Variants in RUNX3 observed in about 807,000 individuals in gnomAD.
RUNX3 encodes runt-related transcription factor 3.
Under a neutral mutation model 27.7 loss-of-function variants are expected in RUNX3, and 10 were observed. The ratio of observed to expected loss-of-function variants is 0.36; its 90% CI spans 0.22 to 0.61. The LOEUF (loss-of-function observed/expected upper bound fraction) is 0.61, where lower values mean the gene tolerates loss of function less well. Ranked by LOEUF, RUNX3 falls within the 20% of genes least tolerant of loss-of-function variation. The probability of loss-of-function intolerance (pLI) is 0.72; values close to 1 mark genes in which losing one functional copy is unlikely to be tolerated. For missense variants in RUNX3, 469 were observed against 629.5 expected (o/e 0.75, Z 2.73); for synonymous variants, 270 against 269.2 (o/e 1.00, Z -0.03).
chr1:24,957,596 C>T lies in RUNX3; in HGVS notation c.58+6918G>A, dbSNP rs142077328. On this transcript the variant is annotated intron_variant, in intron 2 of 6. Coordinates refer to the RUNX3 transcript ENST00000338888. ...TGAAGCTGGGCCTTGAGAAGACAGG[C>T]CAGGGTTTCTCACCTTCCACATCCT... 6.5e-3 allele frequency among the ~76,000 whole-genome samples: 984 copies of T among 152,310 alleles called. 4 individuals carry two copies. Among genetic ancestry groups the T allele is most frequent in the Non-Finnish European group, 9.3e-3 (636 of 68,022 alleles).
rs142477641 is a variant in RUNX3 at position 24,927,370 on chromosome 1, T to G, written c.439+204A>C. On this transcript the variant is annotated intron_variant, in intron 2 of 4. Transcript: ENST00000308873. The surrounding 1 kb of genome is among the most constrained non-coding windows in gnomAD (Gnocchi z 5.0). ...TAAACCCTAGAAACTGGGAGAAAATTGTCTTTTTCTGGCAAGAGACCATAA... is the reference window on the plus strand; with the variant it reads ...TAAACCCTAGAAACTGGGAGAAAATGGTCTTTTTCTGGCAAGAGACCATAA... 6.6e-6 allele frequency among the ~76,000 whole-genome samples: 1 copy of G among 152,198 alleles called. No homozygotes were observed. The highest frequency in any genetic ancestry group is 1.5e-5 in the Non-Finnish European group (1 of 68,004).
At position 24,963,921 on chromosome 1, in the gene RUNX3, G is replaced by A. The variant is rs561351608; in HGVS notation, c.58+593C>T. On this transcript the variant is annotated intron_variant, in intron 2 of 6. Transcript: ENST00000338888. The stretch of plus-strand genomic sequence containing the variant: ...TCTCCTCTTCCGTGGCCAAATCCAC[G>A]AACTTTCTCGAGGTCTGTCCCCCTG... 6.6e-5 allele frequency among the ~76,000 whole-genome samples: 10 copies of A among 152,268 alleles called. No homozygotes were observed. The South Asian group carries it at 1.5e-3, about 22-fold the overall frequency.
Position 24,927,459 on chromosome 1 carries a change from C to CA in RUNX3, c.439+114dup. On this transcript the variant is annotated intron_variant, in intron 2 of 4. Coordinates refer to ENST00000308873, the MANE Select transcript of RUNX3 (RefSeq NM_004350.3). This position sits in a 1 kb window ranked among gnomAD's most constrained non-coding sequence, Gnocchi z 5.0. ...AGGATTACAAATTGCTGTTTTTAGA[C>CA]AGAGCTGCATCTGGAGACCTGTTTT... 3 of 976,056 alleles carry CA rather than the reference C, an allele frequency of 3.1e-6. No individual in the cohort carries two copies. The highest frequency in any genetic ancestry group is 4.8e-6 in the Non-Finnish European group (3 of 626,650). 60.5% of individuals were successfully genotyped at this position (976,056 alleles called of 1,614,324 possible).
rs377188925 is a variant in RUNX3 at position 24,902,608 on chromosome 1, C to T, written c.762G>A (p.Thr254=). Reference sequence around the variant, plus strand: ...AGCGGCTCTCCGTGAGGGTTGGCAGCGTGGGGAAGGAGCGGTCAAACTGGC... The same window carrying T: ...AGCGGCTCTCCGTGAGGGTTGGCAGTGTGGGGAAGGAGCGGTCAAACTGGC... ...DPRQFDRSFP[T]LPTLTESRFP... is the part of the protein sequence containing the mutation. The change falls in exon 5 of 5, where the codon ACG becomes ACA. Residue 254 remains threonine, a synonymous_variant. Coordinates refer to ENST00000308873, the MANE Select transcript of RUNX3 (RefSeq NM_004350.3). This position sits in a 1 kb window ranked among gnomAD's most constrained non-coding sequence, Gnocchi z 9.2. 21 of 1,540,276 alleles carry T rather than the reference C, an allele frequency of 1.4e-5. No homozygotes were observed. The highest frequency in any genetic ancestry group is 2.3e-5 in the East Asian group (1 of 43,970).
intron 3 of RUNX3, among the ~76,000 whole-genome samples, chr1:24,907,665 C>T (rs74060469): frequency 0.13 from 19,819 of 150,964 alleles, 2,460 homozygotes; most frequent in African/African-American, 0.35. Flanking sequence ...CTACAACACG[C>T]GGTGATCTAA....
At chr1:24,950,933 C>G (rs573106777) in intron 2 of RUNX3, among the ~76,000 whole-genome samples, 2 of 152,060 alleles carry the variant, frequency 1.3e-5, no homozygotes, top group Non-Finnish European at 2.9e-5. Context: ...ATAGGCCGGG[C>G]GTGGTGGCTC....
chr1:24,908,158 C>CGACACGCGGTGATCCGAACCTCTAT (rs1640715832), intron 3 of RUNX3, among the ~76,000 whole-genome samples: 1 of 130,138 alleles, frequency 7.7e-6, no homozygotes, highest in African/African-American at 3.5e-5. Flanking sequence ...CGAACCTCTA[C>CGACACGCGGTGATCCGAACCTCTAT]GACACGCGGT....
exon 1 of RUNX3, chr1:24,964,942 A>G: frequency 3.2e-6 from 1 of 311,906 alleles, no homozygotes. Context: ...TTCGGCAGCC[A>G]GGGTGGAGGA....
intron 2 of RUNX3, among the ~76,000 whole-genome samples, chr1:24,946,898 AACGCTGAAAAT>A (rs1641621808): frequency 6.6e-6 from 1 of 152,218 alleles, no homozygotes; most frequent in Non-Finnish European, 1.5e-5. Flanking sequence ...GATTCCATCC[AACGCTGAAAAT>A]ACCCATTTAC....
At chr1:24,915,310 G>T (rs570476305) in intron 3 of RUNX3, among the ~76,000 whole-genome samples, 20 of 152,158 alleles carry the variant, frequency 1.3e-4, no homozygotes, top group Non-Finnish European at 2.5e-4. Context: ...TGTAATCCCA[G>T]CTCCTAGGGA....
chr1:24,909,447 T>C (rs1305911865), intron 3 of RUNX3, among the ~76,000 whole-genome samples: 9 of 152,170 alleles, frequency 5.9e-5, no homozygotes, highest in Admixed American at 5.9e-4. Flanking sequence ...GCTTTCTTAG[T>C]AGCACACCTT....
At chr1:24,914,197 T>C (rs1271901002) in intron 3 of RUNX3, among the ~76,000 whole-genome samples, 1 of 152,152 alleles carries the variant, frequency 6.6e-6, no homozygotes, top group African/African-American at 2.4e-5. Context: ...TTCAGCCTCT[T>C]GGGAAAAGCA....
In RUNX3 at chr1:24,900,427, G is replaced by A. The variant is rs1557832546; in HGVS notation, c.*1695C>T. The A allele has an allele frequency of 6.6e-6, 1 of 152,384 alleles. No individual in the cohort carries two copies. The allele number at this position is 152,384 out of a possible 1,614,324, so 9.4% of individuals were successfully genotyped here. A position where few individuals can be genotyped will look rare whatever the true frequency, so the allele number is the denominator to read the frequency against. ...GCATCCACAGAGGCCGAGGCAGAAA[G>A]TTAAAATACCGCATGCTGCTAGCCT... On this transcript the variant is annotated 3_prime_UTR_variant, in exon 5 of 5. Coordinates refer to ENST00000308873, the MANE Select transcript of RUNX3 (RefSeq NM_004350.3).
rs1049684412 is a variant in RUNX3, at chr1:24,901,384, G to C, written c.*738C>G. The C allele has an allele frequency of 1.3e-5, 2 of 152,680 alleles. No individual in the cohort carries two copies. Among genetic ancestry groups the C allele is most frequent in the Non-Finnish European group, 2.9e-5 (2 of 68,096 alleles). 9.5% of individuals were successfully genotyped at this position (152,680 alleles called of 1,614,324 possible). On this transcript the variant is annotated 3_prime_UTR_variant, in exon 5 of 5. Coordinates refer to ENST00000308873, the MANE Select transcript of RUNX3 (RefSeq NM_004350.3). ...AGCTGGTAAAGTGCATGGAGGAGCCGGTCTGTAGGTGCTTTCCTGGGTTTA... is the reference window on the plus strand; with the variant it reads ...AGCTGGTAAAGTGCATGGAGGAGCCCGTCTGTAGGTGCTTTCCTGGGTTTA...
intron 2 of RUNX3, among the ~76,000 whole-genome samples, chr1:24,960,235 T>A (rs1642070560): frequency 6.6e-6 from 1 of 152,250 alleles, no homozygotes; most frequent in Non-Finnish European, 1.5e-5. Flanking sequence ...GCCATGCTCA[T>A]GGTGTTCATC....
intron 1 of RUNX3, among the ~76,000 whole-genome samples, chr1:24,928,159 C>T (rs1268736191): frequency 1.3e-5 from 2 of 152,224 alleles, no homozygotes; most frequent in Non-Finnish European, 2.9e-5. Flanking sequence ...AGGGCTGCTA[C>T]CCCCACTCAA....
chr1:24,951,935 C>T (rs374648528), intron 2 of RUNX3, among the ~76,000 whole-genome samples: 90 of 152,278 alleles, frequency 5.9e-4, no homozygotes, highest in African/African-American at 2.0e-3. Flanking sequence ...TGCCACTGCA[C>T]TCCAGCCTGG....
At chr1:24,911,495 C>T (rs1984520) in intron 3 of RUNX3, among the ~76,000 whole-genome samples, 55,455 of 152,096 alleles carry the variant, frequency 0.36, 10,285 homozygotes, top group Middle Eastern at 0.47. Flanking sequence ...GTCCCCATCA[C>T]ACTGTCTTTG....
At position 24,902,566 on chromosome 1, in the gene RUNX3, C is replaced by T. The variant is rs1357059888; in HGVS notation, c.804G>A (p.Met268Ile). The T allele has an allele frequency of 5.7e-6, 9 of 1,578,146 alleles. No individual in the cohort carries two copies. In the South Asian group the frequency reaches 1.0e-4, roughly 18 times the overall value. ...LTESRFPDPR[M>I]HYPGAMSAAF... ...CAGCTGACATGGCCCCGGGATAATG[C>T]ATCCTGGGGTCTGGGAAGCGGCTCT... The change falls in exon 5 of 5, where the codon ATG becomes ATA. Residue 268 changes from methionine (M) to isoleucine (I), a missense_variant. Physicochemically the swap from Met to Ile is conservative, Grantham distance 10 (BLOSUM62 1). Coordinates refer to ENST00000308873, the MANE Select transcript of RUNX3 (RefSeq NM_004350.3). This position sits in a 1 kb window ranked among gnomAD's most constrained non-coding sequence, Gnocchi z 9.2.
Sources: allele counts gnomAD v4.1 joint callset (sites outside exome capture counted in the v4.1 genomes callset), GRCh38; gene constraint gnomAD v4.1.1; non-coding constraint Gnocchi (gnomAD v3.1); transcripts MANE v1.5; gene names NCBI Gene and HGNC (gene_info 2026-07-23, HGNC 2026-07-21).